The following EPAS1 variants were observed in gnomAD, a reference collection of about 807,000 sequenced individuals.
EPAS1 encodes the protein endothelial PAS domain-containing protein 1.
In EPAS1, 23 loss-of-function variants were observed where a neutral mutation model predicts 87.9. The ratio of observed to expected loss-of-function variants is 0.26; its 90% confidence interval spans 0.19 to 0.37. The LOEUF (loss-of-function observed/expected upper bound fraction) is 0.37. Ranked by LOEUF, EPAS1 falls within the 10% of genes least tolerant of loss-of-function variation. The probability of loss-of-function intolerance (pLI) is 1.00; values close to 1 mark genes in which losing one functional copy is unlikely to be tolerated. For missense variants in EPAS1, 1,138 were observed against 1,120.7 expected, an observed-to-expected ratio of 1.02 and a Z score of -0.22; for synonymous variants, 508 against 444.3, an observed-to-expected ratio of 1.14 and a Z score of -1.80.
At chr2:46,309,946 A>T (rs768578069) in intron 1 of EPAS1, among the ~76,000 whole-genome samples, 19 of 152,224 alleles carry the variant, frequency 1.2e-4, no homozygotes, top group Non-Finnish European at 2.5e-4. Flanking sequence ...TAGTGTGAGC[A>T]TCAAGTGGGT....
rs1402203251 is a variant in EPAS1 at position 46,360,725 on chromosome 2, G to A, written c.542G>A (p.Arg181His). Residue 181 changes from arginine to histidine, a missense_variant, in exon 5 of 16, where the codon CGT becomes CAT. Arg to His is a conservative substitution (Grantham distance 29). Around this residue, in one of 4 missense-constraint regions of EPAS1, gnomAD observed 351 missense variants for 417.1 expected, o/e 0.84. Coordinates refer to ENST00000263734, the MANE Select transcript of EPAS1 (RefSeq NM_001430.5). The surrounding 1 kb of genome is among the most constrained non-coding windows in gnomAD (Gnocchi z 4.5). The stretch of plus-strand genomic sequence containing the variant: ...AAGTGCACGGTCACCAACAGAGGCC[G>A]TACTGTCAACCTCAAGTCAGCCACC... ...RMKCTVTNRGRTVNLKSATWK... is the reference protein window; with the variant it reads ...RMKCTVTNRGHTVNLKSATWK... 5.0e-6 allele frequency: 8 copies of A among 1,614,026 alleles called. No homozygotes were observed. The highest frequency in any genetic ancestry group is 2.2e-5 in the East Asian group (1 of 44,882).
At chr2:46,301,795 A>G (rs1683005730) in intron 1 of EPAS1, among the ~76,000 whole-genome samples, 1 of 149,124 alleles carries the variant, frequency 6.7e-6, no homozygotes, top group Admixed American at 6.9e-5. Flanking sequence ...TTTAGGCTGC[A>G]GTAGAAGTGA....
chr2:46,307,879 G>C (rs1683138419), intron 1 of EPAS1, among the ~76,000 whole-genome samples: 1 of 152,080 alleles, frequency 6.6e-6, no homozygotes, highest in African/African-American at 2.4e-5. Flanking sequence ...GTGGGATAGG[G>C]GTTTCTTTTG....
rs753349427 is a variant in EPAS1, at chr2:46,369,896, G to A, written c.849G>A (p.Ala283=). The change falls in exon 7 of 16, where the codon GCG becomes GCA. Residue 283 remains alanine, a synonymous_variant. Coordinates refer to ENST00000263734, the MANE Select transcript of EPAS1 (RefSeq NM_001430.5). ...GCTCAGCCTATGAATTCTACCATGC[G>A]CTAGACTCCGAGAACATGACCAAGA... ...LGRSAYEFYH[A]LDSENMTKSH... 48 of 1,612,438 alleles carry A rather than the reference G, an allele frequency of 3.0e-5. 1 individual carries two copies. The highest frequency in any genetic ancestry group is 1.6e-4 in the Middle Eastern group (1 of 6,084).
chr2:46,314,733 G>A (rs918472144), intron 1 of EPAS1, among the ~76,000 whole-genome samples: 5 of 152,186 alleles, frequency 3.3e-5, no homozygotes, highest in Admixed American at 2.0e-4. Context: ...ATGATTGGTC[G>A]GGAGCTGGAG....
intron 15 of EPAS1, among the ~76,000 whole-genome samples, chr2:46,383,973 T>A (rs544230408): frequency 1.2e-4 from 19 of 152,232 alleles, no homozygotes; most frequent in African/African-American, 3.6e-4. Context: ...CTTTCCTCCT[T>A]GGGATGGGGG....
intron 1 of EPAS1, among the ~76,000 whole-genome samples, chr2:46,336,597 TC>T (rs1683798694): frequency 6.6e-6 from 1 of 152,158 alleles, no homozygotes; most frequent in Admixed American, 6.5e-5. Flanking sequence ...ACAGGATTCT[TC>T]CTGGCCAGAG....
chr2:46,375,628 G>C lies in EPAS1; in HGVS notation c.887-62G>C. On this transcript the variant is annotated intron_variant, in intron 7 of 15. Transcript: ENST00000263734. The surrounding 1 kb of genome is among the most constrained non-coding windows in gnomAD (Gnocchi z 4.1). ...AGACTGCCCTCCCATGCGATCTGCT[G>C]AGCCTGTGGTGCACACCCCTGCCCC... is the stretch of plus-strand genomic sequence containing the variant. 1.3e-6 allele frequency: 2 copies of C among 1,580,558 alleles called. No homozygotes were observed. The highest frequency in any genetic ancestry group is 2.7e-5 in the African/African-American group (2 of 74,116).
intron 1 of EPAS1, among the ~76,000 whole-genome samples, chr2:46,331,720 C>A (rs1683677855): frequency 6.6e-6 from 1 of 152,182 alleles, no homozygotes; most frequent in African/African-American, 2.4e-5. Context: ...TTTCTACCAA[C>A]CGGCACCGAA....
intron 15 of EPAS1, among the ~76,000 whole-genome samples, chr2:46,384,005 T>TC (rs550633319): frequency 1.1e-3 from 172 of 151,372 alleles, no homozygotes; most frequent in African/African-American, 3.8e-3. Flanking sequence ...GCTGCGAGTG[T>TC]CCCCCCTGCC....
chr2:46,311,356 C>T (rs1009313613), intron 1 of EPAS1, among the ~76,000 whole-genome samples: 2 of 152,150 alleles, frequency 1.3e-5, no homozygotes, highest in African/African-American at 4.8e-5. Context: ...CAGGGAAGGG[C>T]CCTCTACAGT....
intron 2 of EPAS1, among the ~76,000 whole-genome samples, chr2:46,349,658 G>T (rs912436378): frequency 6.6e-6 from 1 of 152,236 alleles, no homozygotes; most frequent in African/African-American, 2.4e-5. Context: ...CCTTGAAGGA[G>T]AAATTCTCAC....
chr2:46,334,210 C>G (rs1214536829), intron 1 of EPAS1, among the ~76,000 whole-genome samples: 1 of 152,214 alleles, frequency 6.6e-6, no homozygotes, highest in Non-Finnish European at 1.5e-5. Context: ...TGGCACTGCC[C>G]ACCACCTGGC....
chr2:46,367,897 G>C lies in EPAS1; in HGVS notation c.780-1930G>C, dbSNP rs75824632. 9.0e-3 allele frequency among the ~76,000 whole-genome samples: 1,366 copies of C among 151,794 alleles called. 18 individuals carry two copies. The highest frequency in any genetic ancestry group is 0.032 in the African/African-American group (1,331 of 41,452). The stretch of plus-strand genomic sequence containing the variant: ...TGGATAGACTATCATGACAGGTTCT[G>C]TGTGTGTGTGTGTGCGCGTGCATGT... On this transcript the variant is annotated intron_variant, in intron 6 of 15. Coordinates refer to ENST00000263734, the MANE Select transcript of EPAS1 (RefSeq NM_001430.5).
rs1399122158 is a variant in EPAS1, at chr2:46,360,413, T to G, written c.455-225T>G. ...TCAAATGATGGAGCAGCTCCTCCCTTGTGGGAGTTTATGCTCCAGTTGAGG... is the reference window on the plus strand; with the variant it reads ...TCAAATGATGGAGCAGCTCCTCCCTGGTGGGAGTTTATGCTCCAGTTGAGG... On this transcript the variant is annotated intron_variant, in intron 4 of 15. Coordinates refer to ENST00000263734, the MANE Select transcript of EPAS1 (RefSeq NM_001430.5). The surrounding 1 kb of genome is among the most constrained non-coding windows in gnomAD (Gnocchi z 4.5). 6.6e-6 allele frequency among the ~76,000 whole-genome samples: 1 copy of G among 152,196 alleles called. No homozygotes were observed. Among genetic ancestry groups the G allele is most frequent in the Non-Finnish European group, 1.5e-5 (1 of 68,030 alleles).
rs182115862 is a variant in EPAS1, at chr2:46,385,451, G to A, written c.*791G>A. ...TTGTAATATCTAAAAACTTAGAAAC[G>A]GAAATGGAATCCTGCTCACAAAATC... On this transcript the variant is annotated 3_prime_UTR_variant, in exon 16 of 16. Transcript: ENST00000263734. The A allele has an allele frequency of 3.3e-5, 5 of 152,278 alleles. No individual in the cohort carries two copies. Among genetic ancestry groups the A allele is most frequent in the East Asian group, 1.9e-4 (1 of 5,190 alleles). The allele number at this position is 152,278 out of a possible 1,614,324, so 9.4% of individuals were successfully genotyped here.
chr2:46,329,853 A>G lies in EPAS1; in HGVS notation c.27-17020A>G, dbSNP rs1683640411. Among the ~76,000 whole-genome samples, 2 of 152,070 alleles carry G rather than the reference A, an allele frequency of 1.3e-5. 1 individual carries two copies. The highest frequency in any genetic ancestry group is 4.8e-5 in the African/African-American group (2 of 41,400). On this transcript the variant is annotated intron_variant, in intron 1 of 15. Coordinates refer to ENST00000263734, the MANE Select transcript of EPAS1 (RefSeq NM_001430.5). ...ACAGACAAACAAAACACACACACACATCCTTCTTAAAGACAAAAACACCTC... is the reference window on the plus strand; with the variant it reads ...ACAGACAAACAAAACACACACACACGTCCTTCTTAAAGACAAAAACACCTC...
chr2:46,308,868 T>C (rs999338353), intron 1 of EPAS1, among the ~76,000 whole-genome samples: 6 of 152,224 alleles, frequency 3.9e-5, no homozygotes, highest in Non-Finnish European at 8.8e-5. Flanking sequence ...CCTTCCCTGA[T>C]TAACTGCACA....
intron 1 of EPAS1, among the ~76,000 whole-genome samples, chr2:46,331,344 A>C (rs1196954498): frequency 6.6e-6 from 1 of 152,240 alleles, no homozygotes; most frequent in African/African-American, 2.4e-5. Context: ...AAATAAATGA[A>C]AGCCCTGGCT....
Sources: gnomAD v4.1 joint callset for allele counts (sites outside exome capture counted in the v4.1 genomes callset) on GRCh38, gnomAD v4.1.1 for gene constraint, gnomAD v4.1.1 regional missense constraint, Gnocchi (gnomAD v3.1) non-coding constraint, MANE v1.5 for transcripts, NCBI Gene and HGNC (gene_info 2026-07-23, HGNC 2026-07-21) for gene names.